Variants in PPHLN1 observed in about 807,000 individuals in gnomAD.
PPHLN1 encodes the protein periphilin 1, also known as periphilin-1.
Under a neutral mutation model 51.3 loss-of-function variants are expected in PPHLN1, and 29 were observed. The observed-to-expected ratio is 0.57, with a 90% CI of 0.42 to 0.77. The LOEUF is 0.77. PPHLN1 is among the 30% of genes least tolerant of loss of function. The pLI is 0.00. For synonymous variants in PPHLN1, 147 were observed against 147.8 expected (o/e 0.99, Z 0.04); for missense variants, 436 against 438.4 (o/e 0.99, Z 0.05).
At chr12:42,445,262 A>G (rs777929397), downstream of PPHLN1, 2 of 596,954 alleles carry the variant, frequency 3.4e-6, no homozygotes, top group Non-Finnish European at 6.0e-6. Context: ...AATCACATCA[A>G]TTTTTCCACC....
chr12:42,346,490 C>G (rs2072351124), intron 2 of PPHLN1, among the ~76,000 whole-genome samples: 1 of 152,042 alleles, frequency 6.6e-6, no homozygotes, highest in African/African-American at 2.4e-5. Context: ...ATTTGTTCAT[C>G]CATAGGAACT....
At chr12:42,363,437 A>T (rs1178027127) in intron 4 of PPHLN1, among the ~76,000 whole-genome samples, 1 of 142,032 alleles carries the variant, frequency 7.0e-6, no homozygotes, top group Non-Finnish European at 1.6e-5. Context: ...GGAACTTTAT[A>T]CTCTAGCTAT....
intron 9 of PPHLN1, among the ~76,000 whole-genome samples, chr12:42,408,344 A>G (rs2079500387): frequency 6.6e-6 from 1 of 151,222 alleles, no homozygotes; most frequent in Non-Finnish European, 1.5e-5. Flanking sequence ...CCCTGTCTGT[A>G]CTAAAAAAAT....
downstream of PPHLN1, chr12:42,446,567 G>A (rs1402184279): frequency 3.1e-6 from 5 of 1,611,958 alleles, no homozygotes; most frequent in South Asian, 2.2e-5. Context: ...ACTCATGTTT[G>A]TCTCTTGTTG....
intron 3 of PPHLN1, among the ~76,000 whole-genome samples, chr12:42,352,872 T>G (rs1389735154): frequency 6.6e-6 from 1 of 151,950 alleles, no homozygotes; most frequent in Non-Finnish European, 1.5e-5. Context: ...GTGGATCACC[T>G]GAAGTCAGGA....
At chr12:42,372,310 C>T (rs1373226348) in intron 4 of PPHLN1, among the ~76,000 whole-genome samples, 1 of 152,156 alleles carries the variant, frequency 6.6e-6, no homozygotes, top group African/African-American at 2.4e-5. Flanking sequence ...TGACACTTGA[C>T]ATCCCCCAAG....
At chr12:42,406,469 G>A (rs1796365) in intron 9 of PPHLN1, among the ~76,000 whole-genome samples, 45,946 of 152,024 alleles carry the variant, frequency 0.3, 7,886 homozygotes, top group Non-Finnish European at 0.38. Context: ...TATGAGATTC[G>A]TTGATGTTGT....
chr12:42,385,125 A>G (rs2077086830), intron 6 of PPHLN1, 129 bp downstream of exon 6: 3 of 928,966 alleles, frequency 3.2e-6, no homozygotes, highest in South Asian at 3.2e-5. Flanking sequence ...AGTTAGCAGT[A>G]GACCTAGGTA....
At chr12:42,403,161 T>TAG (rs2078988482) in intron 9 of PPHLN1, among the ~76,000 whole-genome samples, 1 of 152,184 alleles carries the variant, frequency 6.6e-6, no homozygotes, top group Non-Finnish European at 1.5e-5. Flanking sequence ...AATAGAAACA[T>TAG]TCTTTGTTTT....
chr12:42,352,094 T>C, intron 3 of PPHLN1, 45 bp downstream of exon 3: 1 of 1,358,956 alleles, frequency 7.4e-7, no homozygotes, highest in East Asian at 2.8e-5. Context: ...TCTTATAAGT[T>C]TAAAATTAAT....
chr12:42,390,169 T>TG (rs939710533), intron 7 of PPHLN1, among the ~76,000 whole-genome samples: 9 of 152,138 alleles, frequency 5.9e-5, no homozygotes, highest in African/African-American at 1.9e-4. Flanking sequence ...ACTGGGTGTC[T>TG]GGGGGGCAGC....
At chr12:42,342,269 A>G (rs992259416) in intron 2 of PPHLN1, among the ~76,000 whole-genome samples, 1 of 152,168 alleles carries the variant, frequency 6.6e-6, no homozygotes, top group African/African-American at 2.4e-5. Flanking sequence ...GTTCATATGT[A>G]CATACACACA....
At position 42,437,828 on chromosome 12, in the gene PPHLN1, G is replaced by A. The variant is rs919777949; in HGVS notation, c.910-3487G>A. Among the ~76,000 whole-genome samples the A allele has an allele frequency of 2.6e-5, 4 of 152,140 alleles. No homozygotes were observed. The South Asian group carries it at 8.3e-4, about 31-fold the overall frequency. ...TTCATCTGCCTAAGAAATGTCCTAT[G>A]TTCCACCTGTTTGTCCCTTCCACTT... On this transcript the variant is annotated intron_variant, in intron 9 of 9. Coordinates refer to ENST00000358314, the MANE Select transcript of PPHLN1 (RefSeq NM_201439.2).
intron 7 of PPHLN1, among the ~76,000 whole-genome samples, chr12:42,388,629 T>C (rs1055841102): frequency 2.6e-5 from 4 of 152,144 alleles, no homozygotes; most frequent in Non-Finnish European, 5.9e-5. Context: ...ATACTTTGTC[T>C]CTGTGTCTTA....
chr12:42,411,474 C>T lies in PPHLN1; in HGVS notation c.909+12480C>T, dbSNP rs146333749. ...CTGTTACTTCCTGAGACCATCGTTA[C>T]GAGACTGAACGAAGGGACGAACATA... On this transcript the variant is annotated intron_variant, in intron 9 of 9. Coordinates refer to ENST00000358314, the MANE Select transcript of PPHLN1 (RefSeq NM_201439.2). 2.7e-3 allele frequency among the ~76,000 whole-genome samples: 410 copies of T among 152,036 alleles called. 1 individual carries two copies. The highest frequency in any genetic ancestry group is 9.4e-3 in the African/African-American group (390 of 41,442).
intron 9 of PPHLN1, among the ~76,000 whole-genome samples, chr12:42,435,542 G>T (rs2082406705): frequency 6.6e-6 from 1 of 151,988 alleles, no homozygotes; most frequent in Admixed American, 6.6e-5. Context: ...AAAATTAAAG[G>T]GTTTAAATTT....
intron 1 of PPHLN1, among the ~76,000 whole-genome samples, chr12:42,334,902 T>C (rs2070355414): frequency 6.6e-6 from 1 of 152,198 alleles, no homozygotes; most frequent in African/African-American, 2.4e-5. Flanking sequence ...ACTTATACAT[T>C]TATGTGTATT....
intron 9 of PPHLN1, chr12:42,432,058 C>T (rs2082083357): frequency 1.9e-6 from 3 of 1,568,890 alleles, no homozygotes; most frequent in Admixed American, 1.7e-5. Context: ...GAGGATTTGC[C>T]ACCACGTGGT....
chr12:42,367,270 T>C (rs1415396903), intron 4 of PPHLN1, among the ~76,000 whole-genome samples: 1 of 152,218 alleles, frequency 6.6e-6, no homozygotes, highest in South Asian at 2.1e-4. Context: ...TGAATAATGG[T>C]GAGTACTCTG....
Sources: gnomAD v4.1 joint callset for allele counts (sites outside exome capture counted in the v4.1 genomes callset) on GRCh38, gnomAD v4.1.1 for gene constraint, MANE v1.5 for transcripts, NCBI Gene and HGNC (gene_info 2026-07-23, HGNC 2026-07-21) for gene names.